The following MLLT3 variants were observed in gnomAD, a reference collection of about 807,000 sequenced individuals.
MLLT3 encodes protein AF-9.
In MLLT3, 4 loss-of-function variants were observed where a neutral mutation model predicts 53.2. The observed-to-expected ratio is 0.08, with a 90% CI of 0.04 to 0.17. The LOEUF (loss-of-function observed/expected upper bound fraction) is 0.17. Among genes scored for constraint, MLLT3 ranks in the 10% least tolerant of loss-of-function variants. MLLT3 has a pLI of 1.00. For synonymous variants in MLLT3, 283 were observed against 230.6 expected (o/e 1.23, Z -2.06); for missense variants, 569 against 684.0 (o/e 0.83, Z 1.87).
intron 5 of MLLT3, among the ~76,000 whole-genome samples, chr9:20,391,031 C>T (rs375705723): frequency 2.0e-5 from 3 of 152,274 alleles, no homozygotes; most frequent in African/African-American, 4.8e-5. Flanking sequence ...AGGCATACAG[C>T]TCAATTAATT....
chr9:20,355,528 G>GT (rs1002120706), intron 8 of MLLT3, among the ~76,000 whole-genome samples: 7 of 152,182 alleles, frequency 4.6e-5, no homozygotes, highest in Non-Finnish European at 1.0e-4. Flanking sequence ...AGAAGCTTTG[G>GT]TGGGAAGCTA....
intron 4 of MLLT3, among the ~76,000 whole-genome samples, chr9:20,446,573 A>C (rs1312835377): frequency 1.3e-5 from 2 of 152,186 alleles, no homozygotes; most frequent in Admixed American, 6.5e-5. Flanking sequence ...AAAGTTACAT[A>C]ATTTGCACTC....
At chr9:20,443,561 C>A (rs762368165) in intron 4 of MLLT3, among the ~76,000 whole-genome samples, 2 of 152,186 alleles carry the variant, frequency 1.3e-5, no homozygotes, top group Non-Finnish European at 2.9e-5. Context: ...GAAGAAACCA[C>A]GGGCTAATCT....
intron 2 of MLLT3, among the ~76,000 whole-genome samples, chr9:20,590,444 C>G (rs1409725274): frequency 6.6e-6 from 1 of 152,150 alleles, no homozygotes; most frequent in African/African-American, 2.4e-5. Context: ...CAGTTTCCCC[C>G]ACGCTGTTCT....
chr9:20,558,020 T>C (rs1819106862), intron 2 of MLLT3, among the ~76,000 whole-genome samples: 1 of 152,188 alleles, frequency 6.6e-6, no homozygotes, highest in Non-Finnish European at 1.5e-5. Flanking sequence ...TCCTCTCCTC[T>C]CCAGTTGTTC....
intron 3 of MLLT3, among the ~76,000 whole-genome samples, chr9:20,456,463 C>G (rs1249060286): frequency 1.3e-5 from 2 of 152,168 alleles, no homozygotes; most frequent in African/African-American, 4.8e-5. Context: ...AATCACTCCT[C>G]TCTTTAAAGG....
At chr9:20,473,929 G>C (rs1824458100) in intron 2 of MLLT3, among the ~76,000 whole-genome samples, 1 of 151,984 alleles carries the variant, frequency 6.6e-6, no homozygotes, top group South Asian at 2.1e-4. Context: ...CCACACTCTT[G>C]CTTCATGTCT....
At chr9:20,599,270 C>T (rs1340784195) in intron 2 of MLLT3, among the ~76,000 whole-genome samples, 1 of 147,266 alleles carries the variant, frequency 6.8e-6, no homozygotes, top group Non-Finnish European at 1.5e-5. Context: ...TGCCACTGCA[C>T]GTCAGCCTGG....
Position 20,451,891 on chromosome 9 carries a change from A to G in MLLT3, c.277-3625T>C, listed in dbSNP as rs184866342. ...TGGTTTAGAGTTTCTGAAACACACA[A>G]TTCTCACAAATAGGGTTGTTTTGTT... is the stretch of plus-strand genomic sequence containing the variant. On this transcript the variant is annotated intron_variant, in intron 3 of 10. Coordinates refer to ENST00000380338, the MANE Select transcript of MLLT3 (RefSeq NM_004529.4). 8.5e-5 allele frequency among the ~76,000 whole-genome samples: 13 copies of G among 152,320 alleles called. No individual in the cohort carries two copies. In the East Asian group the frequency reaches 1.7e-3, roughly 20 times the overall value.
intron 2 of MLLT3, among the ~76,000 whole-genome samples, chr9:20,531,774 T>C (rs1054310208): frequency 6.6e-6 from 1 of 152,186 alleles, no homozygotes; most frequent in Non-Finnish European, 1.5e-5. Context: ...TTTTAAAATA[T>C]TTTTTCATCT....
At chr9:20,579,506 T>A (rs936207505) in intron 2 of MLLT3, among the ~76,000 whole-genome samples, 4 of 152,146 alleles carry the variant, frequency 2.6e-5, no homozygotes, top group Non-Finnish European at 4.4e-5. Context: ...AAGACTTTTT[T>A]AAAAACATCT....
rs144057302 is a variant in MLLT3 at position 20,456,403 on chromosome 9, A to G, written c.276+301T>C. Among the ~76,000 whole-genome samples the G allele has an allele frequency of 2.8e-3, 421 of 152,302 alleles. 3 individuals carry two copies. The highest frequency in any genetic ancestry group is 0.014 in the Middle Eastern group (4 of 294). On this transcript the variant is annotated intron_variant, in intron 3 of 10. Transcript: ENST00000380338. ...AAAAGAAGCATTTTACTGAAAAACT[A>G]TAATTCTTCTTTTCTATTTTACAAA...
intron 2 of MLLT3, among the ~76,000 whole-genome samples, chr9:20,586,765 G>C (rs1274861454): frequency 6.6e-6 from 1 of 152,080 alleles, no homozygotes; most frequent in Non-Finnish European, 1.5e-5. Context: ...ACTGGTTAGG[G>C]AAGTGGGGAA....
intron 2 of MLLT3, among the ~76,000 whole-genome samples, chr9:20,488,190 C>T (rs1359330446): frequency 6.6e-6 from 1 of 151,766 alleles, no homozygotes; most frequent in African/African-American, 2.4e-5. Flanking sequence ...AAAGTGGTTG[C>T]CAGGGGTCAG....
intron 5 of MLLT3, among the ~76,000 whole-genome samples, chr9:20,397,294 T>G (rs1477784896): frequency 6.6e-6 from 1 of 152,182 alleles, no homozygotes; most frequent in Non-Finnish European, 1.5e-5. Context: ...CTAAAACATT[T>G]AATTAACATA....
At chr9:20,601,973 C>G (rs185311781) in intron 2 of MLLT3, among the ~76,000 whole-genome samples, 3 of 152,210 alleles carry the variant, frequency 2.0e-5, no homozygotes, top group Admixed American at 1.3e-4. Flanking sequence ...GACTCCAGGA[C>G]TTTTCTTGGG....
intron 2 of MLLT3, among the ~76,000 whole-genome samples, chr9:20,569,413 C>A (rs1587080576): frequency 6.6e-6 from 1 of 152,222 alleles, no homozygotes; most frequent in Non-Finnish European, 1.5e-5. Flanking sequence ...AATCTAGGCT[C>A]ATTCCCTCTT....
At chr9:20,516,795 G>A (rs140708120) in intron 2 of MLLT3, among the ~76,000 whole-genome samples, 34 of 152,258 alleles carry the variant, frequency 2.2e-4, no homozygotes, top group Admixed American at 7.2e-4. Flanking sequence ...TAAGTTCAAT[G>A]GGCAGGCTAA....
chr9:20,344,746 C>G lies in MLLT3; in HGVS notation c.*1697G>C, dbSNP rs1409265135. On this transcript the variant is annotated 3_prime_UTR_variant, in exon 11 of 11. Transcript: ENST00000380338. ...TCCCCTTTTTAAAATGCAGAAATAA[C>G]TCCATTATCAATCTGCATTTATATA... 2.4e-5 allele frequency: 5 copies of G among 206,264 alleles called. No homozygotes were observed. Among genetic ancestry groups the G allele is most frequent in the Non-Finnish European group, 4.0e-5 (4 of 100,978 alleles). The allele number at this position is 206,264 out of a possible 1,614,324, so 12.8% of individuals were successfully genotyped here. A position where few individuals can be genotyped will look rare whatever the true frequency, so the allele number is the denominator to read the frequency against.
Sources: gnomAD v4.1 joint callset for allele counts (sites outside exome capture counted in the v4.1 genomes callset) on GRCh38, gnomAD v4.1.1 for gene constraint, MANE v1.5 for transcripts, NCBI Gene and HGNC (gene_info 2026-07-23, HGNC 2026-07-21) for gene names.